Variants in ESRRG observed in about 807,000 individuals in gnomAD.
The protein encoded by ESRRG is estrogen-related receptor gamma.
ESRRG carries 13 observed loss-of-function variants against 44.0 expected under a neutral mutation model. The ratio of observed to expected loss-of-function variants is 0.30; its 90% CI spans 0.19 to 0.47. The LOEUF (loss-of-function observed/expected upper bound fraction) is 0.47. Among genes scored for constraint, ESRRG ranks in the 20% least tolerant of loss-of-function variants. The pLI, the probability that ESRRG is intolerant of heterozygous loss-of-function variation, is 1.00. For missense variants in ESRRG, 395 were observed against 580.6 expected, an observed-to-expected ratio of 0.68 and a Z score of 3.29; for synonymous variants, 215 against 214.6, an observed-to-expected ratio of 1.00 and a Z score of -0.02.
intron 1 of ESRRG, among the ~76,000 whole-genome samples, chr1:216,710,324 T>A (rs1012917001): frequency 6.6e-6 from 1 of 152,196 alleles, no homozygotes; most frequent in Non-Finnish European, 1.5e-5. Context: ...CAAAAGCTAC[T>A]GTACAGAGCT....
chr1:216,958,409 G>T (rs1419056325), intron 1 of ESRRG, among the ~76,000 whole-genome samples: 7 of 152,050 alleles, frequency 4.6e-5, no homozygotes, highest in African/African-American at 1.4e-4. Flanking sequence ...TTCAGATTAC[G>T]CTACATACTT....
At chr1:216,947,534 A>C (rs920779174) in intron 1 of ESRRG, among the ~76,000 whole-genome samples, 1 of 152,176 alleles carries the variant, frequency 6.6e-6, no homozygotes, top group African/African-American at 2.4e-5. Flanking sequence ...ACAAGCTACA[A>C]TGGCTTATTT....
intron 5 of ESRRG, among the ~76,000 whole-genome samples, chr1:216,534,249 C>A (rs972963128): frequency 6.6e-6 from 1 of 152,100 alleles, no homozygotes; most frequent in African/African-American, 2.4e-5. Flanking sequence ...CCCCAGTGAA[C>A]ATCTCATTTA....
chr1:216,609,761 A>G (rs1414125277), intron 3 of ESRRG, among the ~76,000 whole-genome samples: 1 of 152,220 alleles, frequency 6.6e-6, no homozygotes, highest in Non-Finnish European at 1.5e-5. Flanking sequence ...TAGCAAAATT[A>G]TTGACGCATT....
At chr1:216,595,089 C>T (rs767468574) in intron 3 of ESRRG, among the ~76,000 whole-genome samples, 7 of 152,148 alleles carry the variant, frequency 4.6e-5, no homozygotes, top group Non-Finnish European at 1.0e-4. Context: ...ATCTCCCTTG[C>T]TCTATGAAAG....
At chr1:216,688,675 A>C (rs2078483707) in intron 1 of ESRRG, among the ~76,000 whole-genome samples, 1 of 152,114 alleles carries the variant, frequency 6.6e-6, no homozygotes, top group East Asian at 1.9e-4. Flanking sequence ...CAATGCAGAG[A>C]TATGAAATTG....
chr1:216,870,875 AT>A (rs762537998), intron 2 of ESRRG, among the ~76,000 whole-genome samples: 36 of 151,152 alleles, frequency 2.4e-4, no homozygotes, highest in African/African-American at 8.3e-4. Context: ...TGTGTATTTC[AT>A]TTTTTTCTTT....
At chr1:216,894,169 T>C (rs1041311943) in intron 2 of ESRRG, among the ~76,000 whole-genome samples, 1 of 152,106 alleles carries the variant, frequency 6.6e-6, no homozygotes, top group Admixed American at 6.6e-5. Context: ...ATAACCTATG[T>C]TCTGCTTGAC....
intron 2 of ESRRG, among the ~76,000 whole-genome samples, chr1:216,763,952 T>C (rs1393747006): frequency 6.6e-6 from 1 of 152,156 alleles, no homozygotes; most frequent in Non-Finnish European, 1.5e-5. Context: ...AAGAGAAGAC[T>C]AATCTGGGGA....
chr1:216,943,123 G>T (rs1241952023), intron 1 of ESRRG, among the ~76,000 whole-genome samples: 1 of 152,150 alleles, frequency 6.6e-6, no homozygotes, highest in Non-Finnish European at 1.5e-5. Flanking sequence ...GATTCCCAGG[G>T]TGTACTTTTC....
At chr1:216,543,424 A>C (rs2053490835) in intron 5 of ESRRG, among the ~76,000 whole-genome samples, 1 of 152,034 alleles carries the variant, frequency 6.6e-6, no homozygotes, top group Admixed American at 6.6e-5. Flanking sequence ...TTGATGAGTA[A>C]AGAAATAACT....
chr1:217,062,388 C>CAACA (rs2088728661), intron 1 of ESRRG, among the ~76,000 whole-genome samples: 1 of 152,132 alleles, frequency 6.6e-6, no homozygotes. Flanking sequence ...CCTACCTTTA[C>CAACA]AACAGCAGGA....
chr1:216,913,591 G>A (rs969177489), intron 2 of ESRRG, among the ~76,000 whole-genome samples: 2 of 152,240 alleles, frequency 1.3e-5, no homozygotes, highest in Non-Finnish European at 1.5e-5. Flanking sequence ...CCAAGCGTGA[G>A]CGCTGCACTT....
rs568188760 is a variant in ESRRG at position 217,077,478 on chromosome 1, C to T, written c.-106+12029G>A. On this transcript the variant is annotated intron_variant, in intron 1 of 7. Coordinates refer to the ESRRG transcript ENST00000359162. ...ACCTAAAAAGCTTTCAAGGGTAATA[C>T]GACCACCCTTGAAAACAAATCCACC... Among the ~76,000 whole-genome samples the T allele has an allele frequency of 2.0e-4, 30 of 152,204 alleles. No individual in the cohort carries two copies. In the South Asian group the frequency reaches 6.0e-3, roughly 31 times the overall value.
chr1:216,694,491 G>GA (rs2079707566), intron 1 of ESRRG, among the ~76,000 whole-genome samples: 1 of 152,014 alleles, frequency 6.6e-6, no homozygotes, highest in Non-Finnish European at 1.5e-5. Flanking sequence ...TAACTAAGGA[G>GA]AAAAAAGAAA....
chr1:216,893,244 C>G (rs1477084893), intron 2 of ESRRG, among the ~76,000 whole-genome samples: 2 of 152,128 alleles, frequency 1.3e-5, no homozygotes, highest in African/African-American at 4.8e-5. Context: ...CAGGCAATAT[C>G]ACAGACAATG....
intron 2 of ESRRG, among the ~76,000 whole-genome samples, chr1:216,870,763 A>C (rs2096248911): frequency 6.6e-6 from 1 of 151,976 alleles, no homozygotes; most frequent in African/African-American, 2.4e-5. Context: ...TACATTGCCA[A>C]ATTCCTTTAC....
At chr1:216,932,108 G>A (rs1310691385) in intron 2 of ESRRG, among the ~76,000 whole-genome samples, 1 of 152,162 alleles carries the variant, frequency 6.6e-6, no homozygotes, top group Non-Finnish European at 1.5e-5. Context: ...GGAGGCTGAG[G>A]CAGGAAAATT....
intron 2 of ESRRG, among the ~76,000 whole-genome samples, chr1:216,739,757 T>A (rs115393420): frequency 3.2e-4 from 49 of 152,342 alleles, no homozygotes; most frequent in African/African-American, 1.2e-3. Context: ...AAATCTATTT[T>A]GCTAATATGG....
Sources: gnomAD v4.1 joint callset for allele counts (sites outside exome capture counted in the v4.1 genomes callset) on GRCh38, gnomAD v4.1.1 for gene constraint, MANE v1.5 for transcripts, NCBI Gene and HGNC (gene_info 2026-07-23, HGNC 2026-07-21) for gene names.